The following DACH1 variants were observed in gnomAD, a reference collection of about 807,000 sequenced individuals.
DACH1 encodes the protein dachshund family transcription factor 1, also known as dachshund homolog 1.
Under a neutral mutation model 54.2 loss-of-function variants are expected in DACH1, and 12 were observed. The observed-to-expected ratio is 0.22, with a 90% CI of 0.14 to 0.36. The LOEUF (loss-of-function observed/expected upper bound fraction) is 0.36. DACH1 is among the 10% of genes least tolerant of loss of function. DACH1 has a pLI of 1.00. For missense variants in DACH1, 805 were observed against 929.8 expected, an observed-to-expected ratio of 0.87 and a Z score of 1.75; for synonymous variants, 386 against 366.2, an observed-to-expected ratio of 1.05 and a Z score of -0.62.
intron 1 of DACH1, among the ~76,000 whole-genome samples, chr13:71,716,447 T>C (rs1195179340): frequency 6.6e-6 from 1 of 152,134 alleles, no homozygotes; most frequent in East Asian, 1.9e-4. Flanking sequence ...ACCCTCACTC[T>C]GTAGTTGGAA....
At chr13:71,819,283 T>TGGCA (rs1259696669) in intron 1 of DACH1, among the ~76,000 whole-genome samples, 1 of 152,220 alleles carries the variant, frequency 6.6e-6, no homozygotes, top group Non-Finnish European at 1.5e-5. Flanking sequence ...GATATCCAGC[T>TGGCA]GGCACTTTGC....
intron 4 of DACH1, among the ~76,000 whole-genome samples, chr13:71,570,279 A>T (rs1327750376): frequency 6.6e-6 from 1 of 152,148 alleles, no homozygotes; most frequent in East Asian, 1.9e-4. Flanking sequence ...AACTGCTTAG[A>T]ATCGTCTCAT....
intron 6 of DACH1, among the ~76,000 whole-genome samples, chr13:71,522,420 G>A (rs1008195564): frequency 2.0e-5 from 3 of 151,922 alleles, no homozygotes; most frequent in Non-Finnish European, 4.4e-5. Flanking sequence ...CTTGAGAATC[G>A]CTTTCTGTCT....
At chr13:71,829,624 T>C (rs1888509278) in intron 1 of DACH1, among the ~76,000 whole-genome samples, 1 of 151,946 alleles carries the variant, frequency 6.6e-6, no homozygotes, top group South Asian at 2.1e-4. Context: ...GGATCCACCA[T>C]GGTAATAGTT....
At chr13:71,789,995 T>G (rs1169375830) in intron 1 of DACH1, among the ~76,000 whole-genome samples, 3 of 152,172 alleles carry the variant, frequency 2.0e-5, no homozygotes, top group Admixed American at 6.5e-5. Context: ...AATAAGATAT[T>G]TTTTCATACT....
intron 6 of DACH1, among the ~76,000 whole-genome samples, chr13:71,521,393 T>C (rs759985720): frequency 3.9e-5 from 6 of 152,074 alleles, no homozygotes; most frequent in Non-Finnish European, 7.4e-5. Context: ...TGGATGTAGA[T>C]AGAGATGTAT....
rs570256203 is a variant in DACH1 at position 71,792,370 on chromosome 13, A to C, written c.848+73552T>G. Among the ~76,000 whole-genome samples the C allele has an allele frequency of 2.5e-3, 381 of 149,864 alleles. 1 individual carries two copies. Among genetic ancestry groups the C allele is most frequent in the Non-Finnish European group, 4.4e-3 (298 of 67,468 alleles). ...CACACACACACACACACACACACAC[A>C]CCCCTGGAATCCAGACAGCAGGAAA... On this transcript the variant is annotated intron_variant, in intron 1 of 10. Coordinates refer to ENST00000613252, the MANE Select transcript of DACH1 (RefSeq NM_080759.6).
intron 6 of DACH1, among the ~76,000 whole-genome samples, chr13:71,514,078 T>C (rs1252637296): frequency 6.6e-6 from 1 of 152,084 alleles, no homozygotes; most frequent in East Asian, 1.9e-4. Context: ...GTTATCTCAT[T>C]TATATTAAAA....
At chr13:71,847,722 A>G in intron 1 of DACH1, among the ~76,000 whole-genome samples, 1 of 152,200 alleles carries the variant, frequency 6.6e-6, no homozygotes, top group East Asian at 1.9e-4. Context: ...CCATGGAGAA[A>G]ATCAATTAGA....
At chr13:71,685,484 GACA>G (rs1199498834) in intron 1 of DACH1, among the ~76,000 whole-genome samples, 1 of 152,040 alleles carries the variant, frequency 6.6e-6, no homozygotes, top group Non-Finnish European at 1.5e-5. Context: ...CTAAGAACAG[GACA>G]ACAACTATGA....
At chr13:71,699,725 A>G (rs769178087) in intron 1 of DACH1, among the ~76,000 whole-genome samples, 47 of 152,234 alleles carry the variant, frequency 3.1e-4, no homozygotes, top group Non-Finnish European at 5.0e-4. Context: ...AAAACTTTTC[A>G]TAAGCTTTGA....
At chr13:71,449,690 C>T (rs752754986) in intron 10 of DACH1, among the ~76,000 whole-genome samples, 4 of 151,802 alleles carry the variant, frequency 2.6e-5, no homozygotes, top group East Asian at 1.9e-4. Flanking sequence ...TTAAAGTAAA[C>T]GAATTTATTG....
chr13:71,753,588 T>C (rs890288625), intron 1 of DACH1, among the ~76,000 whole-genome samples: 1 of 152,190 alleles, frequency 6.6e-6, no homozygotes, highest in Non-Finnish European at 1.5e-5. Context: ...CATTCATAGA[T>C]TGCCTTGCTG....
At chr13:71,849,639 T>TC (rs1008459925) in intron 1 of DACH1, among the ~76,000 whole-genome samples, 2 of 151,720 alleles carry the variant, frequency 1.3e-5, no homozygotes, top group Admixed American at 6.6e-5. Context: ...ACTCCTTATT[T>TC]CCCCCCCATC....
At chr13:71,543,304 T>G (rs985346079) in intron 6 of DACH1, among the ~76,000 whole-genome samples, 1 of 152,036 alleles carries the variant, frequency 6.6e-6, no homozygotes, top group Non-Finnish European at 1.5e-5. Flanking sequence ...CACATTGGAG[T>G]CTTTTATGCA....
chr13:71,792,019 G>A lies in DACH1; in HGVS notation c.848+73903C>T, dbSNP rs138238631. 4.6e-3 allele frequency among the ~76,000 whole-genome samples: 706 copies of A among 152,216 alleles called. 6 individuals carry two copies. The highest frequency in any genetic ancestry group is 6.9e-3 in the South Asian group (33 of 4,808). ...CTGTATCACTCATTTGGTACATGATGATGTATGTCTTTGCATTTCCTCTTG... is the reference window on the plus strand; with the variant it reads ...CTGTATCACTCATTTGGTACATGATAATGTATGTCTTTGCATTTCCTCTTG... On this transcript the variant is annotated intron_variant, in intron 1 of 10. Transcript: ENST00000613252.
chr13:71,749,075 T>C (rs1273977570), intron 1 of DACH1, among the ~76,000 whole-genome samples: 3 of 151,442 alleles, frequency 2.0e-5, no homozygotes, highest in Non-Finnish European at 4.4e-5. Flanking sequence ...ACCTCTGCCT[T>C]CTGGGTTCAA....
chr13:71,590,881 T>C (rs975758106), intron 3 of DACH1, among the ~76,000 whole-genome samples: 15 of 138,854 alleles, frequency 1.1e-4, no homozygotes, highest in East Asian at 5.9e-4. Context: ...CTTTCTTTTT[T>C]TTTTTTTTTT....
intron 10 of DACH1, among the ~76,000 whole-genome samples, chr13:71,470,413 A>C (rs1250305470): frequency 1.3e-5 from 2 of 150,946 alleles, no homozygotes; most frequent in Admixed American, 1.3e-4. Context: ...GGTTCAAGTG[A>C]TTCTCCTGCC....
Sources: gnomAD v4.1 joint callset for allele counts (sites outside exome capture counted in the v4.1 genomes callset) on GRCh38, gnomAD v4.1.1 for gene constraint, MANE v1.5 for transcripts, NCBI Gene and HGNC (gene_info 2026-07-23, HGNC 2026-07-21) for gene names.